Variants in PRKCH observed in about 807,000 individuals in gnomAD.
PRKCH encodes the protein protein kinase C eta type.
A neutral mutation model predicts 82.5 loss-of-function variants in PRKCH; 28 were observed. That is an observed-to-expected ratio of 0.34 (90% CI 0.25 to 0.47). The LOEUF (loss-of-function observed/expected upper bound fraction) is 0.47. Ranked by LOEUF, PRKCH falls within the 20% of genes least tolerant of loss-of-function variation. The pLI, the probability that PRKCH is intolerant of heterozygous loss-of-function variation, is 1.00. For missense variants in PRKCH, 705 were observed against 881.8 expected (o/e 0.80, Z 2.54); for synonymous variants, 322 against 327.4 (o/e 0.98, Z 0.18).
intron 1 of PRKCH, among the ~76,000 whole-genome samples, chr14:61,216,496 T>A (rs1055784707): frequency 4.6e-5 from 7 of 151,466 alleles, no homozygotes; most frequent in African/African-American, 1.7e-4. Context: ...TTAAAAAAAA[T>A]TAAAAAACCA....
chr14:61,458,340 G>A (rs1489491212), intron 9 of PRKCH, among the ~76,000 whole-genome samples: 1 of 152,222 alleles, frequency 6.6e-6, no homozygotes, highest in African/African-American at 2.4e-5. Flanking sequence ...TTTACTTGTT[G>A]TTTCACATAA....
chr14:61,457,089 T>C (rs1286130534), intron 7 of PRKCH, 87 bp from the exon 8 acceptor site: 1 of 1,464,992 alleles, frequency 6.8e-7, no homozygotes, highest in Non-Finnish European at 9.2e-7. Context: ...GGGGTGAGAC[T>C]GCTCCCAGCC....
chr14:61,280,797 G>A lies in PRKCH; in HGVS notation c.-19+93129G>A. 1 of 1,559,978 alleles carries A rather than the reference G, an allele frequency of 6.4e-7. No homozygotes were observed. The highest frequency in any genetic ancestry group is 8.6e-7 in the Non-Finnish European group (1 of 1,161,782). On this transcript the variant is annotated intron_variant, in intron 1 of 3. Transcript: ENST00000555185. This position sits in a 1 kb window ranked among gnomAD's most constrained non-coding sequence, Gnocchi z 5.0. Reference sequence around the variant, plus strand: ...CGCCGTAGCGCCGGTTGTTCTGGTAGAAGTTGGTCAGCTCGTAGTAGAGGT... The same window carrying A: ...CGCCGTAGCGCCGGTTGTTCTGGTAAAAGTTGGTCAGCTCGTAGTAGAGGT...
intron 1 of PRKCH, chr14:61,303,436 A>G (rs544377185): frequency 6.6e-6 from 1 of 152,324 alleles, no homozygotes; most frequent in Non-Finnish European, 1.5e-5. Flanking sequence ...TCATTAAGGA[A>G]TGTCACTCTT....
chr14:61,322,092 C>A lies in PRKCH; in HGVS notation c.-10C>A, dbSNP rs1181321734. ...GCGCGGCCCCCCGGGGCCGGGGCAGCGGCGCCGGCATGTCGTCTGGCACCA... is the reference window on the plus strand; with the variant it reads ...GCGCGGCCCCCCGGGGCCGGGGCAGAGGCGCCGGCATGTCGTCTGGCACCA... On this transcript the variant is annotated 5_prime_UTR_variant, in exon 1 of 14. Transcript: ENST00000332981. 1.3e-6 allele frequency: 2 copies of A among 1,533,044 alleles called. No individual in the cohort carries two copies. The highest frequency in any genetic ancestry group is 1.8e-6 in the Non-Finnish European group (2 of 1,134,170). The allele number at this position is 1,533,044 out of a possible 1,614,324, so 95.0% of individuals were successfully genotyped here. A position where few individuals can be genotyped will look rare whatever the true frequency, so the allele number is the denominator to read the frequency against.
intron 9 of PRKCH, among the ~76,000 whole-genome samples, chr14:61,477,636 A>G (rs1420301237): frequency 6.6e-6 from 1 of 152,274 alleles, no homozygotes; most frequent in Non-Finnish European, 1.5e-5. Context: ...AATAGAAAAT[A>G]TGAATTACCA....
rs560998070 is a variant in PRKCH, at chr14:61,221,542, C to T, written c.-19+33874C>T. Among the ~76,000 whole-genome samples, 48 of 152,004 alleles carry T rather than the reference C, an allele frequency of 3.2e-4. 2 individuals carry two copies. In the South Asian group the frequency reaches 8.9e-3, roughly 28 times the overall value. On this transcript the variant is annotated intron_variant, in intron 1 of 3. Transcript: ENST00000555185. ...CCTTTGCTCCTCTTTGTCGTGACAG[C>T]GATGGGGGCATATTAAAGTGATGCC...
At chr14:61,354,163 T>A (rs2140152702) in intron 1 of PRKCH, among the ~76,000 whole-genome samples, 1 of 152,318 alleles carries the variant, frequency 6.6e-6, no homozygotes, top group East Asian at 1.9e-4. Flanking sequence ...TACTTGGAAT[T>A]TCATATATGG....
intron 1 of PRKCH, among the ~76,000 whole-genome samples, chr14:61,237,745 T>G (rs922612489): frequency 2.0e-5 from 3 of 152,204 alleles, no homozygotes; most frequent in Admixed American, 1.3e-4. Flanking sequence ...ACCAAACCAA[T>G]GTACACCTTA....
rs1034518138 is a variant in PRKCH at position 61,263,257 on chromosome 14, A to C, written c.-19+75589A>C. 3.9e-5 allele frequency among the ~76,000 whole-genome samples: 6 copies of C among 152,234 alleles called. 1 individual carries two copies. In the Middle Eastern group the frequency reaches 0.01, roughly 259 times the overall value. On this transcript the variant is annotated intron_variant, in intron 1 of 3. Transcript: ENST00000555185. The stretch of plus-strand genomic sequence containing the variant: ...CTTTTTCTTTTTTGCACATGATTCT[A>C]CTGCTGCTGTATGAACTCATAAACA...
intron 1 of PRKCH, among the ~76,000 whole-genome samples, chr14:61,240,274 C>A (rs1267882785): frequency 6.6e-6 from 1 of 152,158 alleles, no homozygotes; most frequent in African/African-American, 2.4e-5. Context: ...ACAGAGAAAC[C>A]CCACATGCCG....
intron 1 of PRKCH, among the ~76,000 whole-genome samples, chr14:61,313,218 G>T (rs1343531095): frequency 6.6e-6 from 1 of 152,132 alleles, no homozygotes; most frequent in African/African-American, 2.4e-5. Flanking sequence ...CCTTTCACAG[G>T]TTTCTTACAC....
intron 2 of PRKCH, among the ~76,000 whole-genome samples, chr14:61,411,240 G>A (rs73320026): frequency 0.028 from 4,297 of 152,158 alleles, 199 homozygotes; most frequent in African/African-American, 0.099. Flanking sequence ...TGTCCTCCTC[G>A]GTGACCAAGA....
chr14:61,524,615 G>A (rs1477580480), intron 10 of PRKCH, among the ~76,000 whole-genome samples: 1 of 152,118 alleles, frequency 6.6e-6, no homozygotes, highest in African/African-American at 2.4e-5. Flanking sequence ...GGCTTAGGGT[G>A]ACTTCTTTTG....
At chr14:61,538,751 T>G (rs1239498641) in intron 12 of PRKCH, among the ~76,000 whole-genome samples, 2 of 152,242 alleles carry the variant, frequency 1.3e-5, no homozygotes, top group African/African-American at 2.4e-5. Flanking sequence ...TTGACTTTGT[T>G]GTTTTTTGTT....
intron 1 of PRKCH, among the ~76,000 whole-genome samples, chr14:61,205,175 G>A (rs775327299): frequency 5.9e-5 from 9 of 152,194 alleles, no homozygotes; most frequent in Non-Finnish European, 1.0e-4. Flanking sequence ...CAACTCGTCC[G>A]TGAGCCTGGA....
intron 10 of PRKCH, among the ~76,000 whole-genome samples, chr14:61,508,452 C>T (rs1168791178): frequency 6.6e-6 from 1 of 152,090 alleles, no homozygotes; most frequent in Admixed American, 6.5e-5. Context: ...GCTTCGTTAA[C>T]AGTATTATTA....
chr14:61,472,568 A>T (rs1025941640), intron 9 of PRKCH, among the ~76,000 whole-genome samples: 3 of 152,188 alleles, frequency 2.0e-5, no homozygotes, highest in Non-Finnish European at 4.4e-5. Context: ...TGGAAATGCC[A>T]TTTCAACTTG....
intron 9 of PRKCH, among the ~76,000 whole-genome samples, chr14:61,484,735 A>G (rs1054026883): frequency 6.9e-6 from 1 of 144,140 alleles, no homozygotes; most frequent in African/African-American, 2.6e-5. Context: ...TCCAATGTGG[A>G]TGCTACTGTG....
Sources: allele counts gnomAD v4.1 joint callset (sites outside exome capture counted in the v4.1 genomes callset), GRCh38; gene constraint gnomAD v4.1.1; non-coding constraint Gnocchi (gnomAD v3.1); transcripts MANE v1.5; gene names NCBI Gene and HGNC (gene_info 2026-07-23, HGNC 2026-07-21).